Variants in MALRD1 observed in about 807,000 individuals in gnomAD.
The protein encoded by MALRD1 is MAM and LDL receptor class A domain containing 1, also known as MAM and LDL-receptor class A domain-containing protein 1.
Under a neutral mutation model 242.1 loss-of-function variants are expected in MALRD1, and 247 were observed. The ratio of observed to expected loss-of-function variants is 1.02; its 90% confidence interval spans 0.92 to 1.13. The LOEUF is 1.13. MALRD1 is among the 50% of genes most tolerant of loss of function. MALRD1 has a pLI of 0.00. For missense variants in MALRD1, 2,989 were observed against 2,533.1 expected (o/e 1.18, Z -3.86); for synonymous variants, 995 against 866.6 (o/e 1.15, Z -2.60).
rs867149945 is a variant in MALRD1 at position 19,531,222 on chromosome 10, C to T, written c.5349C>T (p.Asn1783=). The change falls in exon 32 of 40, where the codon AAC becomes AAT. Residue 1783 remains asparagine, a synonymous_variant. Transcript: ENST00000454679. ...PGSGQHFLYV[N]SSGSKEGSVA... Reference sequence around the variant, plus strand: ...GTGGTCAGCACTTCCTGTACGTCAACTCATCTGGCTCCAAGGAAGGATCCG... The same window carrying T: ...GTGGTCAGCACTTCCTGTACGTCAATTCATCTGGCTCCAAGGAAGGATCCG... The T allele has an allele frequency of 5.2e-6, 8 of 1,550,272 alleles. 1 individual carries two copies. The Middle Eastern group carries it at 1.0e-3, about 194-fold the overall frequency.
chr10:19,135,707 A>G (rs1334932296), intron 9 of MALRD1, among the ~76,000 whole-genome samples: 2 of 152,172 alleles, frequency 1.3e-5, no homozygotes, highest in African/African-American at 4.8e-5. Flanking sequence ...ATTTTCATTA[A>G]TTTGAATTGA....
At chr10:19,286,613 A>C (rs1044527362) in intron 21 of MALRD1, among the ~76,000 whole-genome samples, 2 of 152,066 alleles carry the variant, frequency 1.3e-5, no homozygotes, top group African/African-American at 4.8e-5. Context: ...TCCCAAGACT[A>C]AACCAGGAAG....
chr10:19,384,215 G>C (rs1845958001), intron 26 of MALRD1, among the ~76,000 whole-genome samples: 1 of 146,494 alleles, frequency 6.8e-6, no homozygotes, highest in African/African-American at 2.5e-5. Flanking sequence ...CAGGTTACCT[G>C]AGTTTTGTCC....
chr10:19,484,388 T>C (rs1483570249), intron 29 of MALRD1, among the ~76,000 whole-genome samples: 2 of 152,232 alleles, frequency 1.3e-5, no homozygotes, highest in Admixed American at 1.3e-4. Context: ...TATGTGAACA[T>C]GAAAAAGAGA....
intron 2 of MALRD1, among the ~76,000 whole-genome samples, chr10:19,080,477 A>G (rs1835451129): frequency 6.6e-6 from 1 of 152,050 alleles, no homozygotes; most frequent in African/African-American, 2.4e-5. Context: ...ATCTACAACC[A>G]TCTGAACTTT....
chr10:19,498,638 A>C lies in MALRD1; in HGVS notation c.5312A>C (p.His1771Pro), dbSNP rs1837831764. Reference sequence around the variant, plus strand: ...AAAGCATTAATTCCAGACTCTGATCACACGCCAGGTAAATCTAGTAGCCAT... The same window carrying C: ...AAAGCATTAATTCCAGACTCTGATCCCACGCCAGGTAAATCTAGTAGCCAT... Reference protein sequence around the residue: ...PAKALIPDSDHTPGSGQHFLY... With the variant: ...PAKALIPDSDPTPGSGQHFLY... The change falls in exon 31 of 40, where the codon CAC becomes CCC. Residue 1771 changes from histidine to proline, a missense_variant. Transcript: ENST00000454679. The C allele has an allele frequency of 6.5e-7, 1 of 1,549,256 alleles. No individual in the cohort carries two copies. The highest frequency in any genetic ancestry group is 8.7e-7 in the Non-Finnish European group (1 of 1,146,230).
intron 29 of MALRD1, among the ~76,000 whole-genome samples, chr10:19,485,021 C>T (rs1294020527): frequency 6.6e-6 from 1 of 152,112 alleles, no homozygotes; most frequent in Non-Finnish European, 1.5e-5. Context: ...AGGTCTTTTG[C>T]AGCAACTTGG....
At chr10:19,714,569 C>G (rs944456392) in intron 38 of MALRD1, among the ~76,000 whole-genome samples, 4 of 152,142 alleles carry the variant, frequency 2.6e-5, no homozygotes, top group African/African-American at 9.7e-5. Context: ...CTTGTCCTCA[C>G]CTACGTCCGT....
intron 22 of MALRD1, among the ~76,000 whole-genome samples, chr10:19,324,431 G>A (rs1011762160): frequency 2.6e-5 from 4 of 151,828 alleles, no homozygotes; most frequent in African/African-American, 9.7e-5. Flanking sequence ...TATACACTTG[G>A]GTAATATCTG....
intron 26 of MALRD1, among the ~76,000 whole-genome samples, chr10:19,361,574 C>A (rs778535934): frequency 2.0e-5 from 3 of 152,062 alleles, no homozygotes; most frequent in Non-Finnish European, 2.9e-5. Context: ...TGCTACGTAA[C>A]TAGGATATTT....
At chr10:19,317,165 C>G (rs186644539) in intron 21 of MALRD1, among the ~76,000 whole-genome samples, 69 of 151,872 alleles carry the variant, frequency 4.5e-4, no homozygotes, top group African/African-American at 1.6e-3. Flanking sequence ...TGCTTATAAA[C>G]AACAAACATA....
intron 21 of MALRD1, among the ~76,000 whole-genome samples, chr10:19,308,663 C>T (rs115682995): frequency 0.02 from 3,031 of 151,570 alleles, 93 homozygotes; most frequent in African/African-American, 0.061. Context: ...CAGAGTCAGA[C>T]AGTATACCTG....
At chr10:19,691,814 T>C (rs1406427262) in intron 36 of MALRD1, among the ~76,000 whole-genome samples, 1 of 152,132 alleles carries the variant, frequency 6.6e-6, no homozygotes, top group Non-Finnish European at 1.5e-5. Context: ...ACTTGAAGGA[T>C]TATCCCTTTG....
intron 18 of MALRD1, among the ~76,000 whole-genome samples, chr10:19,257,060 T>C (rs11813644): frequency 0.1 from 15,381 of 152,106 alleles, 1,209 homozygotes; most frequent in African/African-American, 0.22. Flanking sequence ...CTATATGTGG[T>C]ATTTCATATT....
intron 33 of MALRD1, among the ~76,000 whole-genome samples, chr10:19,591,452 G>A (rs1837777130): frequency 1.3e-5 from 2 of 151,076 alleles, no homozygotes; most frequent in Admixed American, 1.3e-4. Flanking sequence ...CTTTCTTAAC[G>A]GTGGCCACAC....
At chr10:19,577,788 T>C (rs1332527549) in intron 33 of MALRD1, among the ~76,000 whole-genome samples, 4 of 152,016 alleles carry the variant, frequency 2.6e-5, no homozygotes, top group Non-Finnish European at 5.9e-5. Context: ...ACATGGTAAC[T>C]TAGTCATTTC....
chr10:19,192,556 C>T (rs1228288017), intron 14 of MALRD1, among the ~76,000 whole-genome samples: 1 of 150,866 alleles, frequency 6.6e-6, no homozygotes, highest in African/African-American at 2.4e-5. Context: ...TTCTGCCAAC[C>T]ATCTAAATGA....
At chr10:19,121,704 AG>A (rs1837071896) in intron 5 of MALRD1, among the ~76,000 whole-genome samples, 2 of 152,166 alleles carry the variant, frequency 1.3e-5, no homozygotes, top group Non-Finnish European at 2.9e-5. Flanking sequence ...CATCCAGAGA[AG>A]GGCATGGAGA....
intron 36 of MALRD1, among the ~76,000 whole-genome samples, chr10:19,675,877 T>G (rs192893018): frequency 6.6e-6 from 1 of 152,302 alleles, no homozygotes; most frequent in Admixed American, 6.5e-5. Flanking sequence ...TATTAAGCAC[T>G]GTCATAAGAG....
Sources: allele counts gnomAD v4.1 joint callset (sites outside exome capture counted in the v4.1 genomes callset), GRCh38; gene constraint gnomAD v4.1.1; transcripts MANE v1.5; gene names NCBI Gene and HGNC (gene_info 2026-07-23, HGNC 2026-07-21).